Variants in PTPN5 observed in about 807,000 individuals in gnomAD.
PTPN5 encodes the protein protein tyrosine phosphatase non-receptor type 5.
In PTPN5, 29 loss-of-function variants were observed where a neutral mutation model predicts 73.9. That is an observed-to-expected ratio of 0.39 (90% confidence interval 0.29 to 0.54). The LOEUF (loss-of-function observed/expected upper bound fraction) is 0.54, where lower values mean the gene tolerates loss of function less well. Ranked by LOEUF, PTPN5 falls within the 20% of genes least tolerant of loss-of-function variation. PTPN5 has a pLI of 0.65. For synonymous variants in PTPN5, 267 were observed against 304.7 expected (o/e 0.88, Z 1.29); for missense variants, 652 against 751.4 (o/e 0.87, Z 1.55).
intron 8 of PTPN5, among the ~76,000 whole-genome samples, chr11:18,739,798 T>C (rs550613098): frequency 6.6e-6 from 1 of 152,346 alleles, no homozygotes; most frequent in Admixed American, 6.5e-5. Flanking sequence ...GGTTGAGGAA[T>C]GGAGCTTTGG....
chr11:18,736,427 T>C (rs1849115100), intron 9 of PTPN5, among the ~76,000 whole-genome samples: 1 of 152,230 alleles, frequency 6.6e-6, no homozygotes, highest in East Asian at 1.9e-4. Context: ...ACTCTGACTG[T>C]AACTGTGCAT....
Position 18,742,179 on chromosome 11 carries a change from G to C in PTPN5, c.725+83C>G. The stretch of plus-strand genomic sequence containing the variant: ...GCCAGCTCTGCCCTGGGCACCAGGA[G>C]TCAGAGTCAGGCATCCACTCTTCTG... On this transcript the variant is annotated intron_variant, in intron 7 of 14. Coordinates refer to ENST00000358540, the MANE Select transcript of PTPN5 (RefSeq NM_006906.2). The surrounding 1 kb of genome is among the most constrained non-coding windows in gnomAD (Gnocchi z 4.1). 18 of 1,568,574 alleles carry C rather than the reference G, an allele frequency of 1.1e-5. No homozygotes were observed. Among genetic ancestry groups the C allele is most frequent in the Non-Finnish European group, 1.6e-5 (18 of 1,152,504 alleles).
chr11:18,743,946 G>A, intron 4 of PTPN5, 60 bp downstream of exon 4: 1 of 1,506,920 alleles, frequency 6.6e-7, no homozygotes, highest in Non-Finnish European at 8.8e-7. Context: ...GGAGGAAGTG[G>A]GAGGCTGGCC....
intron 4 of PTPN5, 96 bp downstream of exon 4, chr11:18,743,910 T>A: frequency 2.8e-6 from 4 of 1,417,848 alleles, no homozygotes; most frequent in Non-Finnish European, 3.8e-6. Context: ...CCCCTTATCC[T>A]CCTGCCTTCC....
At chr11:18,781,382 C>T (rs575669924) in intron 1 of PTPN5, among the ~76,000 whole-genome samples, 44 of 138,816 alleles carry the variant, frequency 3.2e-4, no homozygotes, top group African/African-American at 1.0e-3. Context: ...CGCAGCGGCG[C>T]GATCTAGGCT....
chr11:18,737,727 G>A (rs1849177601), intron 9 of PTPN5, among the ~76,000 whole-genome samples, 153 bp downstream of exon 9: 1 of 152,184 alleles, frequency 6.6e-6, no homozygotes, highest in Admixed American at 6.5e-5. Flanking sequence ...CACCAGGGCA[G>A]CGCTTCCCTT....
At position 18,729,473 on chromosome 11, in the gene PTPN5, C is replaced by T. The variant is rs367543221; in HGVS notation, c.1584G>A (p.Thr528=). Reference sequence around the variant, plus strand: ...CTGACCTGTCCTGACGGAGCTGGCACGTGGTCTTCAGGATGTCCACCACAC... The same window carrying T: ...CTGACCTGTCCTGACGGAGCTGGCATGTGGTCTTCAGGATGTCCACCACAC... The part of the protein sequence containing the change: ...QEGVVDILKT[T]CQLRQDRGGM... The change falls in exon 14 of 15, where the codon ACG becomes ACA. Residue 528 remains threonine (T), a synonymous_variant. Coordinates refer to ENST00000358540, the MANE Select transcript of PTPN5 (RefSeq NM_006906.2). This position sits in a 1 kb window ranked among gnomAD's most constrained non-coding sequence, Gnocchi z 5.2. 3.8e-6 allele frequency: 6 copies of T among 1,564,526 alleles called. No homozygotes were observed. The Admixed American group carries it at 6.7e-5, about 17-fold the overall frequency.
Position 18,740,679 on chromosome 11 carries a change from C to A in PTPN5, c.839G>T (p.Ser280Ile). 1.2e-6 allele frequency: 2 copies of A among 1,608,544 alleles called. No individual in the cohort carries two copies. The highest frequency in any genetic ancestry group is 3.4e-5 in the Admixed American group (2 of 59,458). The change falls in exon 8 of 15, where the codon AGC (serine) becomes ATC (isoleucine). Residue 280 changes from serine (S) to isoleucine (I), a missense_variant. Physicochemically the swap from Ser to Ile is moderately radical, Grantham distance 142. Coordinates refer to ENST00000358540, the MANE Select transcript of PTPN5 (RefSeq NM_006906.2). ...TTCTGCTTGGAGGACACGGGAGGCGCTGAGCAGGTACTCGCGGGCGGACTC... is the reference window on the plus strand; with the variant it reads ...TTCTGCTTGGAGGACACGGGAGGCGATGAGCAGGTACTCGCGGGCGGACTC... ...REESAREYLL[S>I]ASRVLQAEEL...
intron 3 of PTPN5, among the ~76,000 whole-genome samples, chr11:18,765,390 A>C (rs1188034598): frequency 6.6e-6 from 1 of 152,148 alleles, no homozygotes; most frequent in Non-Finnish European, 1.5e-5. Flanking sequence ...CGGGCTTCTC[A>C]ACAGGGAGGT....
intron 8 of PTPN5, among the ~76,000 whole-genome samples, chr11:18,739,210 T>C (rs2134211354): frequency 6.6e-6 from 1 of 152,252 alleles, no homozygotes; most frequent in Non-Finnish European, 1.5e-5. Flanking sequence ...ATACAACACG[T>C]GCAAAACTGC....
chr11:18,772,691 T>C (rs1256633502), intron 1 of PTPN5, among the ~76,000 whole-genome samples: 1 of 152,206 alleles, frequency 6.6e-6, no homozygotes, highest in Non-Finnish European at 1.5e-5. Flanking sequence ...CAGTTGTCCA[T>C]TTTTCATTTG....
At chr11:18,757,579 C>T (rs1850211804) in intron 3 of PTPN5, among the ~76,000 whole-genome samples, 1 of 151,798 alleles carries the variant, frequency 6.6e-6, no homozygotes, top group Non-Finnish European at 1.5e-5. Flanking sequence ...CATGAGAGTA[C>T]ACTGTGCTGT....
intron 1 of PTPN5, among the ~76,000 whole-genome samples, chr11:18,779,100 C>T (rs1851301958): frequency 1.3e-5 from 2 of 152,156 alleles, no homozygotes; most frequent in Admixed American, 6.5e-5. Flanking sequence ...GCTCAGTTTG[C>T]TCCCACCTGC....
At chr11:18,730,159 T>C (rs976269945) in intron 12 of PTPN5, 12 of 473,598 alleles carry the variant, frequency 2.5e-5, no homozygotes, top group South Asian at 8.8e-5. Flanking sequence ...AGTCATCCCT[T>C]TGTCACATAA....
intron 3 of PTPN5, among the ~76,000 whole-genome samples, chr11:18,761,175 C>G (rs1332813494): frequency 6.6e-6 from 1 of 152,190 alleles, no homozygotes; most frequent in East Asian, 1.9e-4. Flanking sequence ...GCAGGCCTGC[C>G]CACGAGTCTG....
At chr11:18,780,999 G>C (rs577677857) in intron 1 of PTPN5, among the ~76,000 whole-genome samples, 2 of 152,154 alleles carry the variant, frequency 1.3e-5, no homozygotes, top group South Asian at 2.1e-4. Flanking sequence ...TCAGGCCCAC[G>C]ATCCAGGTGG....
At chr11:18,765,721 TA>T in intron 3 of PTPN5, 85 bp downstream of exon 3, 1 of 894,144 alleles carries the variant, frequency 1.1e-6, no homozygotes, top group Non-Finnish European at 1.8e-6. Flanking sequence ...CACAGCTAGC[TA>T]GGCTTTACTC....
chr11:18,729,910 GA>G lies in PTPN5; in HGVS notation c.1330-93del, dbSNP rs772855731. On this transcript the variant is annotated intron_variant, in intron 12 of 14. Coordinates refer to ENST00000358540, the MANE Select transcript of PTPN5 (RefSeq NM_006906.2). This position sits in a 1 kb window ranked among gnomAD's most constrained non-coding sequence, Gnocchi z 5.2. ...GATAGAGATGAGATGGAAGGAGGAA[GA>G]ACACAGGAAGAACACTGAGAGTGGG... 6.6e-7 allele frequency: 1 copy of G among 1,520,848 alleles called. No individual in the cohort carries two copies. Among genetic ancestry groups the G allele is most frequent in the South Asian group, 1.1e-5 (1 of 88,270 alleles). The allele number at this position is 1,520,848 out of a possible 1,614,324, so 94.2% of individuals were successfully genotyped here. A position where few individuals can be genotyped will look rare whatever the true frequency, so the allele number is the denominator to read the frequency against.
chr11:18,743,612 T>C (rs573253352), intron 4 of PTPN5, 183 bp from the exon 5 acceptor site: 7 of 612,196 alleles, frequency 1.1e-5, no homozygotes, highest in Admixed American at 8.8e-5. Flanking sequence ...AGGACTCTCC[T>C]TGGAGAAAAG....
Sources: gnomAD v4.1 joint callset for allele counts (sites outside exome capture counted in the v4.1 genomes callset) on GRCh38, gnomAD v4.1.1 for gene constraint, Gnocchi (gnomAD v3.1) non-coding constraint, MANE v1.5 for transcripts, NCBI Gene and HGNC (gene_info 2026-07-23, HGNC 2026-07-21) for gene names.